CDYL2: variants seen among roughly 807,000 people sequenced by gnomAD.
The protein encoded by CDYL2 is chromodomain Y-like protein 2.
CDYL2 carries 23 observed loss-of-function variants against 49.4 expected under a neutral mutation model. That is an observed-to-expected ratio of 0.47 (90% CI 0.34 to 0.66). The LOEUF (loss-of-function observed/expected upper bound fraction) is 0.66, where lower values mean the gene tolerates loss of function less well. Among genes scored for constraint, CDYL2 ranks in the 30% least tolerant of loss-of-function variants. CDYL2 has a pLI of 0.01. For synonymous variants in CDYL2, 360 were observed against 268.8 expected (o/e 1.34, Z -3.32); for missense variants, 678 against 656.4 (o/e 1.03, Z -0.36).
At chr16:80,759,348 T>C (rs946430621) in intron 1 of CDYL2, among the ~76,000 whole-genome samples, 4 of 151,912 alleles carry the variant, frequency 2.6e-5, no homozygotes, top group Non-Finnish European at 5.9e-5. Flanking sequence ...AAAAGGTTAA[T>C]GTTTTAAAAA....
In CDYL2 at chr16:80,684,877, G is replaced by T; in HGVS notation, c.277C>A (p.Pro93Thr). ...GPSVEKLSHRPSDPGKSKGTS... is the reference protein window; with the variant it reads ...GPSVEKLSHRTSDPGKSKGTS... Reference sequence around the variant, plus strand: ...CCCTTGCTCTTTCCAGGATCTGAAGGTCTGTGGGACAGTTTCTCAACCGAC... The same window carrying T: ...CCCTTGCTCTTTCCAGGATCTGAAGTTCTGTGGGACAGTTTCTCAACCGAC... The change falls in exon 2 of 7, where the codon CCT becomes ACT. Residue 93 changes from proline to threonine, a missense_variant. Around this residue, in one of 3 missense-constraint regions of CDYL2, gnomAD observed 478 missense variants for 427.0 expected, o/e 1.12. Transcript: ENST00000570137. The T allele has an allele frequency of 6.2e-7, 1 of 1,614,158 alleles. No individual in the cohort carries two copies. Among genetic ancestry groups the T allele is most frequent in the African/African-American group, 1.3e-5 (1 of 75,038 alleles).
rs141358797 is a variant in CDYL2 at position 80,768,685 on chromosome 16, A to G, written c.24+35465T>C. The stretch of plus-strand genomic sequence containing the variant: ...AACATATAAATTTTGGGGAGACATA[A>G]CTTCCTGGATGAGAAGGAAGTAATC... On this transcript the variant is annotated intron_variant, in intron 1 of 6. Transcript: ENST00000570137. Among the ~76,000 whole-genome samples, 66 of 152,286 alleles carry G rather than the reference A, an allele frequency of 4.3e-4. No homozygotes were observed. The Middle Eastern group carries it at 0.01, about 24-fold the overall frequency.
chr16:80,617,183 G>A (rs913032094), intron 4 of CDYL2, among the ~76,000 whole-genome samples: 7 of 152,138 alleles, frequency 4.6e-5, no homozygotes, highest in Admixed American at 3.3e-4. Flanking sequence ...AGAGTGATGC[G>A]TCCCAGTCAC....
chr16:80,651,988 T>C (rs1908603226), intron 2 of CDYL2, among the ~76,000 whole-genome samples: 1 of 152,182 alleles, frequency 6.6e-6, no homozygotes, highest in Non-Finnish European at 1.5e-5. Context: ...CAAACACCAG[T>C]ATGAACTCAT....
Position 80,755,590 on chromosome 16 carries a change from C to T in CDYL2, c.24+48560G>A, listed in dbSNP as rs1906283673. ...CTCATTTTGCTTCTAGAAACTTATC[C>T]CAAGCAAACATTTGAGATACTTATC... On this transcript the variant is annotated intron_variant, in intron 1 of 6. Coordinates refer to ENST00000570137, the MANE Select transcript of CDYL2 (RefSeq NM_152342.4). Among the ~76,000 whole-genome samples, 13 of 152,246 alleles carry T rather than the reference C, an allele frequency of 8.5e-5. No individual in the cohort carries two copies. The South Asian group carries it at 2.5e-3, about 29-fold the overall frequency.
intron 1 of CDYL2, among the ~76,000 whole-genome samples, chr16:80,749,233 T>A (rs1260708364): frequency 6.6e-6 from 1 of 152,240 alleles, no homozygotes; most frequent in Non-Finnish European, 1.5e-5. Context: ...AGAACACAAC[T>A]GAATACCTAG....
chr16:80,712,189 G>GTATGTA lies in CDYL2; in HGVS notation c.25-27061_25-27060insTACATA, dbSNP rs527296483. ...TATATATGTGTCTTTGTGTCTGTGTGTGTATATATATATATATATATATAT... is the reference window on the plus strand; with the variant it reads ...TATATATGTGTCTTTGTGTCTGTGTGTATGTATGTATATATATATATATATATATAT... On this transcript the variant is annotated intron_variant, in intron 1 of 6. Transcript: ENST00000570137. Among the ~76,000 whole-genome samples, 31 of 75,852 alleles carry GTATGTA rather than the reference G, an allele frequency of 4.1e-4. 1 individual carries two copies. Among genetic ancestry groups the GTATGTA allele is most frequent in the African/African-American group, 9.6e-4 (29 of 30,146 alleles). 49.8% of individuals were successfully genotyped at this position (75,852 alleles called of 152,430 possible).
intron 1 of CDYL2, among the ~76,000 whole-genome samples, chr16:80,776,983 A>T (rs1277217334): frequency 6.6e-6 from 1 of 151,694 alleles, no homozygotes; most frequent in African/African-American, 2.4e-5. Flanking sequence ...ACGCCCGGCT[A>T]ATTTTTTGTT....
intron 2 of CDYL2, among the ~76,000 whole-genome samples, chr16:80,658,560 T>C (rs187341998): frequency 1.2e-4 from 18 of 152,252 alleles, no homozygotes; most frequent in Admixed American, 2.0e-4. Context: ...TGTGGAGAAA[T>C]AGGATTCTCT....
intron 1 of CDYL2, among the ~76,000 whole-genome samples, chr16:80,704,498 C>T (rs943699669): frequency 8.5e-5 from 13 of 152,228 alleles, no homozygotes; most frequent in African/African-American, 2.2e-4. Context: ...GCTTCTAATA[C>T]ATAAAGTCAC....
chr16:80,749,306 A>T (rs529701170), intron 1 of CDYL2, among the ~76,000 whole-genome samples: 4 of 152,338 alleles, frequency 2.6e-5, no homozygotes, highest in South Asian at 4.1e-4. Context: ...AAAGTTATTG[A>T]AAATGCATAA....
chr16:80,741,687 A>T (rs1351645800), intron 1 of CDYL2, among the ~76,000 whole-genome samples: 3 of 152,230 alleles, frequency 2.0e-5, no homozygotes, highest in Non-Finnish European at 4.4e-5. Context: ...CCAGTAAACA[A>T]ATAAAAGATA....
chr16:80,648,694 A>T (rs1423917675), intron 2 of CDYL2, among the ~76,000 whole-genome samples: 1 of 151,890 alleles, frequency 6.6e-6, no homozygotes, highest in Non-Finnish European at 1.5e-5. Context: ...AAAAAAATAA[A>T]AAAAAAAAAG....
chr16:80,666,244 C>T (rs192325052), intron 2 of CDYL2, among the ~76,000 whole-genome samples: 54 of 152,248 alleles, frequency 3.5e-4, no homozygotes, highest in African/African-American at 1.3e-3. Flanking sequence ...TCAGTTTCTT[C>T]GCCTCTATGC....
At chr16:80,616,113 C>A (rs1187088090) in intron 4 of CDYL2, among the ~76,000 whole-genome samples, 1 of 152,208 alleles carries the variant, frequency 6.6e-6, no homozygotes, top group Non-Finnish European at 1.5e-5. Flanking sequence ...ACTGATGTGG[C>A]AGAAGGAGCA....
At chr16:80,640,023 C>T (rs57013064) in intron 2 of CDYL2, among the ~76,000 whole-genome samples, 64,733 of 151,918 alleles carry the variant, frequency 0.43, 15,834 homozygotes, top group African/African-American at 0.68. Flanking sequence ...CTAGATAAAC[C>T]TGAAAGGTGG....
intron 1 of CDYL2, among the ~76,000 whole-genome samples, chr16:80,795,410 T>C (rs957263087): frequency 7.9e-5 from 12 of 152,274 alleles, no homozygotes; most frequent in African/African-American, 2.9e-4. Flanking sequence ...AATAAACAAA[T>C]GGCCCTGCAA....
rs528818928 is a variant in CDYL2 at position 80,600,592 on chromosome 16, T to C, written c.*3796A>G. On this transcript the variant is annotated 3_prime_UTR_variant, in exon 7 of 7. Transcript: ENST00000570137. ...TTTAGAGTCTTAAATACTGTGTATATTAGTGAGAGTGTCTAAACTAATATA... is the reference window on the plus strand; with the variant it reads ...TTTAGAGTCTTAAATACTGTGTATACTAGTGAGAGTGTCTAAACTAATATA... 2 of 152,308 alleles carry C rather than the reference T, an allele frequency of 1.3e-5. No homozygotes were observed. Among genetic ancestry groups the C allele is most frequent in the African/African-American group, 2.4e-5 (1 of 41,566 alleles). 9.4% of individuals were successfully genotyped at this position (152,308 alleles called of 1,614,324 possible).
At chr16:80,717,202 CTGACACACAGTGTGG>C (rs1157443800) in intron 1 of CDYL2, among the ~76,000 whole-genome samples, 1 of 152,030 alleles carries the variant, frequency 6.6e-6, no homozygotes, top group Non-Finnish European at 1.5e-5. Context: ...GACAGCCCTG[CTGACACACAGTGTGG>C]TGACTAGCCA....
Sources: gnomAD v4.1 joint callset for allele counts (sites outside exome capture counted in the v4.1 genomes callset) on GRCh38, gnomAD v4.1.1 for gene constraint, gnomAD v4.1.1 regional missense constraint, MANE v1.5 for transcripts, NCBI Gene and HGNC (gene_info 2026-07-23, HGNC 2026-07-21) for gene names.